Variants in MGAT4B observed in about 807,000 individuals in gnomAD.
MGAT4B encodes the protein alpha-1,3-mannosyl-glycoprotein 4-beta-N-acetylglucosaminyltransferase B.
MGAT4B carries 38 observed loss-of-function variants against 73.9 expected under a neutral mutation model. The observed-to-expected ratio is 0.51, with a 90% confidence interval of 0.40 to 0.67. The LOEUF (loss-of-function observed/expected upper bound fraction) is 0.67, where lower values mean the gene tolerates loss of function less well. MGAT4B is among the 30% of genes least tolerant of loss of function. MGAT4B has a pLI of 0.00. For synonymous variants in MGAT4B, 373 were observed against 313.5 expected, an observed-to-expected ratio of 1.19 and a Z score of -2.01; for missense variants, 686 against 735.2, an observed-to-expected ratio of 0.93 and a Z score of 0.77.
Position 179,800,192 on chromosome 5 carries a change from A to C in MGAT4B, c.787T>G (p.Tyr263Asp). 1 of 1,613,696 alleles carries C rather than the reference A, an allele frequency of 6.2e-7. No homozygotes were observed. The highest frequency in any genetic ancestry group is 8.5e-7 in the Non-Finnish European group (1 of 1,179,986). The stretch of plus-strand genomic sequence containing the variant: ...CAGGGCTTGGGGCTGACCTGCACGT[A>C]GTAGATGCCTTTGGACTGCGCGTAC... The part of the protein sequence containing the change: ...MMYAQSKGIY[Y>D]VQLEDDIVAK... The change falls in exon 7 of 15, where the codon TAC becomes GAC. Residue 263 changes from tyrosine (Y) to aspartate (D), a missense_variant. Physicochemically the swap from Tyr to Asp is radical, Grantham distance 160. Around this residue, in one of 2 missense-constraint regions of MGAT4B, gnomAD observed 449 missense variants for 536.8 expected, o/e 0.84. Coordinates refer to ENST00000292591, the MANE Select transcript of MGAT4B (RefSeq NM_014275.5).
chr5:179,801,216 G>A lies in MGAT4B; in HGVS notation c.558+118C>T, dbSNP rs539865107. 1.6e-5 allele frequency: 22 copies of A among 1,392,326 alleles called. No homozygotes were observed. The highest frequency in any genetic ancestry group is 1.3e-4 in the South Asian group (9 of 70,324). The allele number at this position is 1,392,326 out of a possible 1,614,324, so 86.2% of individuals were successfully genotyped here. A position where few individuals can be genotyped will look rare whatever the true frequency, so the allele number is the denominator to read the frequency against. ...CAACTTTCTATCTCGGAGCATTTGCGAATGAAACTAGCAACTGAACTTCCG... is the reference window on the plus strand; with the variant it reads ...CAACTTTCTATCTCGGAGCATTTGCAAATGAAACTAGCAACTGAACTTCCG... On this transcript the variant is annotated intron_variant, in intron 4 of 14. Transcript: ENST00000292591. The surrounding 1 kb of genome is among the most constrained non-coding windows in gnomAD (Gnocchi z 4.8).
At chr5:179,798,642 G>T (rs764876166) in intron 11 of MGAT4B, 51 bp from the exon 12 acceptor site, 1 of 1,589,962 alleles carries the variant, frequency 6.3e-7, no homozygotes, top group Non-Finnish European at 8.6e-7. Context: ...TTCCAGCACA[G>T]CACCCAGGGC....
At position 179,806,339 on chromosome 5, in the gene MGAT4B, G is replaced by A. The variant is rs1283325913; in HGVS notation, c.97+148C>T. 4.0e-6 allele frequency: 1 copy of A among 252,598 alleles called. No individual in the cohort carries two copies. The highest frequency in any genetic ancestry group is 1.5e-4 in the South Asian group (1 of 6,538). 15.6% of individuals were successfully genotyped at this position (252,598 alleles called of 1,614,324 possible). ...CGGCTCCAGCAGCAAACAAGTGGGG[G>A]AGGGTGGGAGGGGCGTCCTCGCGCC... On this transcript the variant is annotated intron_variant, in intron 1 of 14. Transcript: ENST00000292591. This position sits in a 1 kb window ranked among gnomAD's most constrained non-coding sequence, Gnocchi z 4.6.
At position 179,806,275 on chromosome 5, in the gene MGAT4B, A is replaced by G. The variant is rs1280077275; in HGVS notation, c.97+212T>C. The stretch of plus-strand genomic sequence containing the variant: ...GCTGCGCCCGCGGAGTCCGGTCCGG[A>G]GCACCCACGGGCGCGGCCCGGGCCC... On this transcript the variant is annotated intron_variant, in intron 1 of 14. Coordinates refer to ENST00000292591, the MANE Select transcript of MGAT4B (RefSeq NM_014275.5). The surrounding 1 kb of genome is among the most constrained non-coding windows in gnomAD (Gnocchi z 4.6). The G allele has an allele frequency of 1.5e-4, 26 of 170,204 alleles. No homozygotes were observed. Among genetic ancestry groups the G allele is most frequent in the South Asian group, 4.6e-4 (2 of 4,332 alleles). The allele number at this position is 170,204 out of a possible 1,614,324, so 10.5% of individuals were successfully genotyped here. A position where few individuals can be genotyped will look rare whatever the true frequency, so the allele number is the denominator to read the frequency against.
chr5:179,801,314 C>A lies in MGAT4B; in HGVS notation c.558+20G>T. ...GGGCTCCTCTGAATGTCCCCCAACCCCGCGTCCCGGCTCACTCGCCTCGGC... is the reference window on the plus strand; with the variant it reads ...GGGCTCCTCTGAATGTCCCCCAACCACGCGTCCCGGCTCACTCGCCTCGGC... On this transcript the variant is annotated intron_variant, in intron 4 of 14. Transcript: ENST00000292591. This position sits in a 1 kb window ranked among gnomAD's most constrained non-coding sequence, Gnocchi z 4.8. 1 of 1,599,466 alleles carries A rather than the reference C, an allele frequency of 6.3e-7. No individual in the cohort carries two copies.
At position 179,806,596 on chromosome 5, in the gene MGAT4B, G is replaced by C. The variant is rs1406747059; in HGVS notation, c.-13C>G. On this transcript the variant is annotated 5_prime_UTR_variant, in exon 1 of 15. Transcript: ENST00000292591. This position sits in a 1 kb window ranked among gnomAD's most constrained non-coding sequence, Gnocchi z 4.6. ...TGCGGAGCCTCATCTCCTCGGGTGC[G>C]CGGCGGGCGCCCGCGGGGCCGAGGC... 1.6e-6 allele frequency: 2 copies of C among 1,235,420 alleles called. No individual in the cohort carries two copies. The highest frequency in any genetic ancestry group is 3.2e-5 in the African/African-American group (2 of 62,498). 76.5% of individuals were successfully genotyped at this position (1,235,420 alleles called of 1,614,324 possible).
At position 179,801,669 on chromosome 5, in the gene MGAT4B, G is replaced by C. The variant is rs768392702; in HGVS notation, c.309C>G (p.Asn103Lys). 3 of 1,607,648 alleles carry C rather than the reference G, an allele frequency of 1.9e-6. No homozygotes were observed. The highest frequency in any genetic ancestry group is 3.4e-5 in the Admixed American group (2 of 59,064). ...GGTGCAGCACGTGCCGGTGTGAGCC[G>C]TTCCACGGCTTCAATCGGGGGTCCT... ...LTEDPRLKPW[N>K]GSHRHVLHLP... Residue 103 changes from asparagine (N) to lysine (K), a missense_variant, in exon 3 of 15, where the codon AAC (asparagine) becomes AAG (lysine). By Grantham distance (94) the Asn-to-Lys change is moderately conservative. This residue lies in a region of MGAT4B where 237 missense variants were observed against 198.5 expected (regional missense o/e 1.19). Transcript: ENST00000292591. The surrounding 1 kb of genome is among the most constrained non-coding windows in gnomAD (Gnocchi z 4.8).
At position 179,801,074 on chromosome 5, in the gene MGAT4B, T is replaced by G. The variant is rs1756901962; in HGVS notation, c.559-121A>C. On this transcript the variant is annotated intron_variant, in intron 4 of 14. Transcript: ENST00000292591. This position sits in a 1 kb window ranked among gnomAD's most constrained non-coding sequence, Gnocchi z 4.8. Reference sequence around the variant, plus strand: ...CGTGGAGGGAGTGAGCCTGCTGTGCTGAGGGCGGAGTAAGGGGGCCCCCAG... The same window carrying G: ...CGTGGAGGGAGTGAGCCTGCTGTGCGGAGGGCGGAGTAAGGGGGCCCCCAG... 1.5e-6 allele frequency: 2 copies of G among 1,343,862 alleles called. No individual in the cohort carries two copies. The highest frequency in any genetic ancestry group is 4.9e-5 in the East Asian group (2 of 40,954). 83.2% of individuals were successfully genotyped at this position (1,343,862 alleles called of 1,614,324 possible). A position where few individuals can be genotyped will look rare whatever the true frequency, so the allele number is the denominator to read the frequency against.
At position 179,801,480 on chromosome 5, in the gene MGAT4B, G is replaced by A; in HGVS notation, c.425-13C>T. 1.2e-6 allele frequency: 2 copies of A among 1,603,556 alleles called. No individual in the cohort carries two copies. Among genetic ancestry groups the A allele is most frequent in the Non-Finnish European group, 1.7e-6 (2 of 1,172,970 alleles). ...ATCACCACCGACACTATGGGGGACG[G>A]AGGCCCGACGCTGGAAAGGGTGCGG... On this transcript the variant is annotated splice_polypyrimidine_tract_variant and intron_variant, in intron 3 of 14. Coordinates refer to ENST00000292591, the MANE Select transcript of MGAT4B (RefSeq NM_014275.5). This position sits in a 1 kb window ranked among gnomAD's most constrained non-coding sequence, Gnocchi z 4.8.
In MGAT4B at chr5:179,799,495, C is replaced by T. The variant is rs1457111279; in HGVS notation, c.1041+11G>A. The T allele has an allele frequency of 1.2e-6, 2 of 1,613,614 alleles. No homozygotes were observed. The highest frequency in any genetic ancestry group is 1.7e-6 in the Non-Finnish European group (2 of 1,179,946). Reference sequence around the variant, plus strand: ...GCCCTGCCCCTGCCAGTCCCGCCAGCTCTTGCTCACCGCATCCTTCTCGGG... The same window carrying T: ...GCCCTGCCCCTGCCAGTCCCGCCAGTTCTTGCTCACCGCATCCTTCTCGGG... On this transcript the variant is annotated intron_variant, in intron 9 of 14. Coordinates refer to ENST00000292591, the MANE Select transcript of MGAT4B (RefSeq NM_014275.5).
intron 5 of MGAT4B, 60 bp from the exon 6 acceptor site, chr5:179,800,657 C>T: frequency 7.8e-7 from 1 of 1,289,956 alleles, no homozygotes; most frequent in Non-Finnish European, 1.1e-6. Flanking sequence ...GGGCCGAGCC[C>T]ACCAGACTGT....
rs188033700 is a variant in MGAT4B at position 179,804,196 on chromosome 5, G to A, written c.98-2227C>T. Among the ~76,000 whole-genome samples the A allele has an allele frequency of 3.3e-5, 5 of 152,356 alleles. No individual in the cohort carries two copies. The East Asian group carries it at 9.6e-4, about 29-fold the overall frequency. ...GGAAAGATTAAAGAGCCAAGCTGGG[G>A]CACAACCTTTGTGCCTTGTACTCAG... On this transcript the variant is annotated intron_variant, in intron 1 of 14. Coordinates refer to ENST00000292591, the MANE Select transcript of MGAT4B (RefSeq NM_014275.5).
intron 1 of MGAT4B, chr5:179,802,264 G>T: frequency 7.0e-7 from 1 of 1,418,908 alleles, no homozygotes; most frequent in Non-Finnish European, 9.2e-7. Context: ...ACCTAGGTAG[G>T]TGGATCCTAA....
rs114009346 is a variant in MGAT4B at position 179,799,152 on chromosome 5, G to A, written c.1150-31C>T. 7.8e-5 allele frequency: 126 copies of A among 1,613,920 alleles called. 1 individual carries two copies. Among genetic ancestry groups the A allele is most frequent in the African/African-American group, 4.9e-4 (37 of 75,064 alleles). ...GCGGAGGAGGGACAGCAGTGATGGCGTGGGCCCCGACCTTGATCCCGGCCT... is the reference window on the plus strand; with the variant it reads ...GCGGAGGAGGGACAGCAGTGATGGCATGGGCCCCGACCTTGATCCCGGCCT... On this transcript the variant is annotated intron_variant, in intron 10 of 14. Transcript: ENST00000292591.
rs144011774 is a variant in MGAT4B at position 179,802,230 on chromosome 5, C to A, written c.98-261G>T. 1,813 of 1,443,924 alleles carry A rather than the reference C, an allele frequency of 1.3e-3. 2 individuals are homozygous for A. Among genetic ancestry groups the A allele is most frequent in the Non-Finnish European group, 1.5e-3 (1,689 of 1,104,066 alleles). 89.4% of individuals were successfully genotyped at this position (1,443,924 alleles called of 1,614,324 possible). A position where few individuals can be genotyped will look rare whatever the true frequency, so the allele number is the denominator to read the frequency against. On this transcript the variant is annotated intron_variant, in intron 1 of 14. Transcript: ENST00000292591. ...GTTATTTTATCCTCTGAGAAGGCAT[C>A]TGAAGTGGAAATACGATTTCCAGAC...
At chr5:179,802,354 G>T (rs1208127219) in intron 1 of MGAT4B, 11 of 1,305,900 alleles carry the variant, frequency 8.4e-6, no homozygotes, top group Non-Finnish European at 1.1e-5. Context: ...TGCAGCACAC[G>T]CTCCCTCCAG....
intron 1 of MGAT4B, 83 bp from the exon 2 acceptor site, chr5:179,802,052 G>C (rs760123735): frequency 6.2e-7 from 1 of 1,608,044 alleles, no homozygotes; most frequent in South Asian, 1.1e-5. Flanking sequence ...GCACACATCT[G>C]GGTGTCCACC....
In MGAT4B at chr5:179,802,940, C is replaced by T. The variant is rs1033414258; in HGVS notation, c.98-971G>A. ...AGTTTAAGAAGCCTGACCGAACTCC[C>T]TCTACACTCAGGCAGCTCTTCCATT... On this transcript the variant is annotated intron_variant, in intron 1 of 14. Transcript: ENST00000292591. 1.4e-5 allele frequency: 14 copies of T among 985,062 alleles called. No individual in the cohort carries two copies. In the East Asian group the frequency reaches 1.4e-3, roughly 96 times the overall value. The allele number at this position is 985,062 out of a possible 1,614,324, so 61.0% of individuals were successfully genotyped here.
Position 179,799,414 on chromosome 5 carries a change from T to C in MGAT4B, c.1041+92A>G, listed in dbSNP as rs1478477422. The C allele has an allele frequency of 6.2e-6, 10 of 1,605,118 alleles. No homozygotes were observed. In the East Asian group the frequency reaches 2.0e-4, roughly 32 times the overall value. ...CCCTCCCACAGCTGACAGTGCTCTA[T>C]GTGAGCAGATGCAAGGACAGGGACA... On this transcript the variant is annotated intron_variant, in intron 9 of 14. Transcript: ENST00000292591.
Sources: allele counts gnomAD v4.1 joint callset (sites outside exome capture counted in the v4.1 genomes callset), GRCh38; gene constraint gnomAD v4.1.1; regional missense constraint gnomAD v4.1.1; non-coding constraint Gnocchi (gnomAD v3.1); transcripts MANE v1.5; gene names NCBI Gene and HGNC (gene_info 2026-07-23, HGNC 2026-07-21).